CTNND2: variants seen among roughly 807,000 people sequenced by gnomAD.
The protein encoded by CTNND2 is catenin delta 2.
In CTNND2, 22 loss-of-function variants were observed where a neutral mutation model predicts 144.4. The ratio of observed to expected loss-of-function variants is 0.15; its 90% CI spans 0.11 to 0.22. CTNND2 has a LOEUF of 0.22. Among genes scored for constraint, CTNND2 ranks in the 10% least tolerant of loss-of-function variants. The probability of loss-of-function intolerance (pLI) is 1.00; values close to 1 mark genes in which losing one functional copy is unlikely to be tolerated. For missense variants in CTNND2, 1,353 were observed against 1,618.8 expected, an observed-to-expected ratio of 0.84 and a Z score of 2.82; for synonymous variants, 751 against 695.6, an observed-to-expected ratio of 1.08 and a Z score of -1.25.
At chr5:11,872,058 G>A (rs193133479) in intron 1 of CTNND2, among the ~76,000 whole-genome samples, 106 of 150,978 alleles carry the variant, frequency 7.0e-4, no homozygotes, top group African/African-American at 2.4e-3. Flanking sequence ...AACATGCCCT[G>A]GTGTGTGATG....
intron 3 of CTNND2, chr5:11,508,507 A>G (rs1771295734): frequency 6.6e-6 from 1 of 151,540 alleles, no homozygotes; most frequent in Non-Finnish European, 1.5e-5. Flanking sequence ...ATATATCAAC[A>G]CATTATCAAG....
At chr5:11,522,788 A>G (rs1196839408) in intron 3 of CTNND2, among the ~76,000 whole-genome samples, 1 of 152,220 alleles carries the variant, frequency 6.6e-6, no homozygotes, top group Non-Finnish European at 1.5e-5. Flanking sequence ...ATATAGACAC[A>G]GGTTTTTTTC....
chr5:11,730,820 T>C (rs1266005599), intron 2 of CTNND2, among the ~76,000 whole-genome samples: 1 of 152,238 alleles, frequency 6.6e-6, no homozygotes, highest in Non-Finnish European at 1.5e-5. Context: ...TGCCTTTTTG[T>C]TACATTTGTT....
chr5:10,988,030 T>A lies in CTNND2; in HGVS notation c.3343+81A>T. On this transcript the variant is annotated intron_variant, in intron 20 of 21. Transcript: ENST00000304623. This position sits in a 1 kb window ranked among gnomAD's most constrained non-coding sequence, Gnocchi z 5.9. Reference sequence around the variant, plus strand: ...CAGCAGCCAAGCGCAGCCAGCCCCGTGAAGCCTGATGTCCCATATCTCTGC... The same window carrying A: ...CAGCAGCCAAGCGCAGCCAGCCCCGAGAAGCCTGATGTCCCATATCTCTGC... 1 of 1,575,486 alleles carries A rather than the reference T, an allele frequency of 6.3e-7. No homozygotes were observed. Among genetic ancestry groups the A allele is most frequent in the Non-Finnish European group, 8.6e-7 (1 of 1,157,120 alleles).
At chr5:11,784,817 G>C (rs909608002) in intron 1 of CTNND2, among the ~76,000 whole-genome samples, 8 of 152,230 alleles carry the variant, frequency 5.3e-5, no homozygotes, top group Non-Finnish European at 1.2e-4. Context: ...CCCCAGTCAA[G>C]CCTGCAGATG....
At chr5:11,879,285 T>C (rs891459243) in intron 1 of CTNND2, among the ~76,000 whole-genome samples, 1 of 143,140 alleles carries the variant, frequency 7.0e-6, no homozygotes, top group African/African-American at 2.5e-5. Context: ...TCACTGTTTC[T>C]ACCAAAATGA....
At chr5:11,696,630 G>A (rs927384201) in intron 2 of CTNND2, among the ~76,000 whole-genome samples, 10 of 152,180 alleles carry the variant, frequency 6.6e-5, no homozygotes, top group African/African-American at 2.4e-4. Flanking sequence ...TAATGTAGAT[G>A]TAAGAAATGA....
At chr5:11,774,310 A>G (rs1221031686) in intron 1 of CTNND2, among the ~76,000 whole-genome samples, 1 of 148,634 alleles carries the variant, frequency 6.7e-6, no homozygotes, top group Non-Finnish European at 1.5e-5. Context: ...ATGGCTGCAT[A>G]GTATTCCATG....
intron 1 of CTNND2, among the ~76,000 whole-genome samples, chr5:11,872,661 T>C (rs1250970062): frequency 2.2e-5 from 3 of 139,286 alleles, no homozygotes; most frequent in Non-Finnish European, 4.9e-5. Flanking sequence ...TTCATGTTTG[T>C]TGGCTGCATA....
chr5:11,839,813 C>T (rs1259053319), intron 1 of CTNND2, among the ~76,000 whole-genome samples: 1 of 147,872 alleles, frequency 6.8e-6, no homozygotes, highest in Non-Finnish European at 1.5e-5. Flanking sequence ...AGAGCATCTA[C>T]CTGTGAAAAT....
chr5:11,121,367 G>A (rs1333630753), intron 12 of CTNND2, among the ~76,000 whole-genome samples: 1 of 152,150 alleles, frequency 6.6e-6, no homozygotes. Context: ...TGACTTCTAT[G>A]TCTGGTTAGA....
intron 1 of CTNND2, among the ~76,000 whole-genome samples, chr5:11,900,867 T>C (rs1737796450): frequency 1.3e-5 from 2 of 152,168 alleles, no homozygotes; most frequent in Admixed American, 6.5e-5. Context: ...GACATCCAAG[T>C]TTAAGTACTC....
Position 11,167,886 on chromosome 5 carries a change from G to C in CTNND2, c.1976-8127C>G, listed in dbSNP as rs570349548. On this transcript the variant is annotated intron_variant, in intron 11 of 21. Coordinates refer to ENST00000304623, the MANE Select transcript of CTNND2 (RefSeq NM_001332.4). The stretch of plus-strand genomic sequence containing the variant: ...TACCTGACTTTTTTTTTTTTTTTTT[G>C]GTAGAGACAAGGTCTTACTATGTTG... 9.5e-3 allele frequency among the ~76,000 whole-genome samples: 1,078 copies of C among 113,068 alleles called. 11 individuals are homozygous for C. The highest frequency in any genetic ancestry group is 0.029 in the African/African-American group (876 of 29,820). 74.2% of individuals were successfully genotyped at this position (113,068 alleles called of 152,430 possible).
chr5:11,131,570 G>A (rs893961219), intron 12 of CTNND2, among the ~76,000 whole-genome samples: 5 of 152,162 alleles, frequency 3.3e-5, no homozygotes, highest in Admixed American at 3.3e-4. Flanking sequence ...GGCGGATAAC[G>A]AGGTCAGGAG....
chr5:11,319,770 C>T (rs1243184737), intron 9 of CTNND2, among the ~76,000 whole-genome samples: 1 of 152,204 alleles, frequency 6.6e-6, no homozygotes, highest in African/African-American at 2.4e-5. Context: ...ATCCACCAGC[C>T]TCGGCCTCCC....
At chr5:11,048,390 A>T (rs978999938) in intron 16 of CTNND2, among the ~76,000 whole-genome samples, 2 of 152,222 alleles carry the variant, frequency 1.3e-5, no homozygotes, top group East Asian at 3.9e-4. Flanking sequence ...ATTTAATGTG[A>T]TATTGTTTTA....
In CTNND2 at chr5:10,993,989, G is replaced by A. The variant is rs1739000034; in HGVS notation, c.3085-1312C>T. On this transcript the variant is annotated intron_variant, in intron 18 of 21. Coordinates refer to ENST00000304623, the MANE Select transcript of CTNND2 (RefSeq NM_001332.4). ...CAATGTAAAGTGGGAACAGGGGCTG[G>A]GACAGTGCCTGCTTTCCTTTGCTAT... Among the ~76,000 whole-genome samples the A allele has an allele frequency of 3.3e-5, 5 of 151,410 alleles. No individual in the cohort carries two copies. In the South Asian group the frequency reaches 1.0e-3, roughly 32 times the overall value.
chr5:11,724,815 G>A (rs1260660284), intron 2 of CTNND2, among the ~76,000 whole-genome samples: 2 of 152,084 alleles, frequency 1.3e-5, no homozygotes, highest in Non-Finnish European at 2.9e-5. Flanking sequence ...TGTGTAACTT[G>A]CGAAAATGCA....
intron 3 of CTNND2, among the ~76,000 whole-genome samples, chr5:11,530,477 C>A (rs1773654147): frequency 6.6e-6 from 1 of 152,136 alleles, no homozygotes; most frequent in Admixed American, 6.5e-5. Flanking sequence ...TAGTTAATTT[C>A]CAGGAGGTAG....
Sources: gnomAD v4.1 joint callset for allele counts (sites outside exome capture counted in the v4.1 genomes callset) on GRCh38, gnomAD v4.1.1 for gene constraint, Gnocchi (gnomAD v3.1) non-coding constraint, MANE v1.5 for transcripts, NCBI Gene and HGNC (gene_info 2026-07-23, HGNC 2026-07-21) for gene names.